Variants in PCDH9 observed in about 807,000 individuals in gnomAD.
PCDH9 encodes the protein protocadherin 9, also known as protocadherin-9.
A neutral mutation model predicts 70.6 loss-of-function variants in PCDH9; 24 were observed. That is an observed-to-expected ratio of 0.34 (90% CI 0.25 to 0.48). PCDH9 has a LOEUF of 0.48. PCDH9 is among the 20% of genes least tolerant of loss of function. The pLI is 0.99. For synonymous variants in PCDH9, 562 were observed against 558.5 expected, an observed-to-expected ratio of 1.01 and a Z score of -0.09; for missense variants, 1,281 against 1,503.6, an observed-to-expected ratio of 0.85 and a Z score of 2.45.
chr13:66,517,628 C>T (rs1013179733), intron 4 of PCDH9, among the ~76,000 whole-genome samples: 4 of 152,064 alleles, frequency 2.6e-5, no homozygotes, highest in Non-Finnish European at 5.9e-5. Flanking sequence ...TTATGGTTTT[C>T]TTTGTAAGAT....
intron 4 of PCDH9, among the ~76,000 whole-genome samples, chr13:66,464,484 G>C (rs904850717): frequency 1.3e-5 from 2 of 151,922 alleles, no homozygotes; most frequent in African/African-American, 4.8e-5. Flanking sequence ...GTGTTCTAAA[G>C]AGCATTTTGT....
rs1335557594 is a variant in PCDH9 at position 67,097,804 on chromosome 13, G to A, written c.3036+127601C>T. On this transcript the variant is annotated intron_variant, in intron 2 of 4. Transcript: ENST00000377865. The stretch of plus-strand genomic sequence containing the variant: ...TGAAAACAAGAAAAACCAATGAAGA[G>A]CCAAGATGCCTACTGTTGTGGGGTA... Among the ~76,000 whole-genome samples the A allele has an allele frequency of 5.3e-5, 8 of 152,190 alleles. No individual in the cohort carries two copies. In the East Asian group the frequency reaches 1.3e-3, roughly 26 times the overall value.
At chr13:66,586,378 G>A (rs978903339) in intron 4 of PCDH9, among the ~76,000 whole-genome samples, 1 of 152,082 alleles carries the variant, frequency 6.6e-6, no homozygotes, top group Admixed American at 6.6e-5. Flanking sequence ...CCAAGCAATG[G>A]TTTTTTGAAG....
intron 3 of PCDH9, among the ~76,000 whole-genome samples, chr13:66,726,878 A>G (rs192990615): frequency 1.4e-3 from 214 of 152,308 alleles, no homozygotes; most frequent in African/African-American, 5.0e-3. Context: ...CATATTCACC[A>G]AAAACAAGAA....
intron 3 of PCDH9, among the ~76,000 whole-genome samples, chr13:66,705,333 G>A (rs180694848): frequency 4.8e-4 from 73 of 152,294 alleles, no homozygotes; most frequent in Non-Finnish European, 9.7e-4. Context: ...ACATGGGAAA[G>A]ATTTGTCTTT....
intron 4 of PCDH9, among the ~76,000 whole-genome samples, chr13:66,525,352 A>T (rs1351271931): frequency 6.6e-6 from 1 of 152,054 alleles, no homozygotes; most frequent in East Asian, 1.9e-4. Context: ...TAGAGTTAGC[A>T]CTGGCCAGTC....
chr13:67,095,243 A>G (rs1334894880), intron 2 of PCDH9, among the ~76,000 whole-genome samples: 2 of 152,176 alleles, frequency 1.3e-5, no homozygotes, highest in South Asian at 2.1e-4. Context: ...GGAGTATTTC[A>G]GCGTTTCCTA....
At chr13:66,383,130 A>G (rs760406448) in intron 4 of PCDH9, among the ~76,000 whole-genome samples, 1 of 152,214 alleles carries the variant, frequency 6.6e-6, no homozygotes, top group African/African-American at 2.4e-5. Context: ...ATTATCAGGC[A>G]TTATTTTCTG....
intron 3 of PCDH9, among the ~76,000 whole-genome samples, chr13:66,746,935 C>T (rs1216540126): frequency 6.6e-6 from 1 of 152,070 alleles, no homozygotes; most frequent in Non-Finnish European, 1.5e-5. Context: ...CCCCAACTTT[C>T]GTGATTTGTG....
At chr13:66,441,680 C>T (rs1388873819) in intron 4 of PCDH9, among the ~76,000 whole-genome samples, 1 of 151,800 alleles carries the variant, frequency 6.6e-6, no homozygotes, top group Non-Finnish European at 1.5e-5. Context: ...TACCATTAAG[C>T]TGGGATTTTT....
At chr13:66,609,959 T>TC (rs2077271352) in intron 4 of PCDH9, among the ~76,000 whole-genome samples, 1 of 146,708 alleles carries the variant, frequency 6.8e-6, no homozygotes, top group Non-Finnish European at 1.5e-5. Context: ...TCCTTCTTTT[T>TC]TTTTTTTTTT....
intron 3 of PCDH9, among the ~76,000 whole-genome samples, chr13:66,718,177 A>G (rs1161337393): frequency 6.6e-6 from 1 of 152,198 alleles, no homozygotes; most frequent in Non-Finnish European, 1.5e-5. Context: ...GGGTTCACAC[A>G]CTTAGCAGAA....
chr13:67,012,741 G>A (rs1408347298), intron 2 of PCDH9, among the ~76,000 whole-genome samples: 1 of 151,892 alleles, frequency 6.6e-6, no homozygotes, highest in Non-Finnish European at 1.5e-5. Flanking sequence ...AAATCAAATA[G>A]TTAACGCTAA....
chr13:66,513,241 T>G (rs1226209642), intron 4 of PCDH9, among the ~76,000 whole-genome samples: 2 of 148,600 alleles, frequency 1.3e-5, no homozygotes, highest in Admixed American at 6.8e-5. Context: ...CCAGGGTGAA[T>G]AAAATGCCAT....
chr13:67,075,039 T>A (rs563057276), intron 2 of PCDH9, among the ~76,000 whole-genome samples: 1 of 152,066 alleles, frequency 6.6e-6, no homozygotes, highest in South Asian at 2.1e-4. Flanking sequence ...CATGGGTACT[T>A]CTGTTTGCAA....
intron 2 of PCDH9, among the ~76,000 whole-genome samples, chr13:67,190,154 C>T (rs1233596924): frequency 6.6e-6 from 1 of 151,848 alleles, no homozygotes; most frequent in Non-Finnish European, 1.5e-5. Flanking sequence ...CTCTAAATTC[C>T]TTATTATACA....
intron 3 of PCDH9, among the ~76,000 whole-genome samples, chr13:66,766,956 A>G (rs2079727463): frequency 6.6e-6 from 1 of 152,052 alleles, no homozygotes; most frequent in South Asian, 2.1e-4. Context: ...AAGGTATAGT[A>G]GGGTTCTACA....
chr13:66,649,382 T>C (rs1175401207), intron 3 of PCDH9, among the ~76,000 whole-genome samples: 1 of 151,934 alleles, frequency 6.6e-6, no homozygotes, highest in Non-Finnish European at 1.5e-5. Flanking sequence ...GGAAACCCTA[T>C]AGGCTAGGAG....
At chr13:66,374,967 C>T (rs1956722671) in intron 4 of PCDH9, among the ~76,000 whole-genome samples, 1 of 152,010 alleles carries the variant, frequency 6.6e-6, no homozygotes, top group African/African-American at 2.4e-5. Flanking sequence ...GGAACTCAAT[C>T]AGTTGACAGT....
Sources: gnomAD v4.1 joint callset for allele counts (sites outside exome capture counted in the v4.1 genomes callset) on GRCh38, gnomAD v4.1.1 for gene constraint, MANE v1.5 for transcripts, NCBI Gene and HGNC (gene_info 2026-07-23, HGNC 2026-07-21) for gene names.